FRMD6: variants seen among roughly 807,000 people sequenced by gnomAD.
FRMD6 encodes the protein FERM domain containing 6.
A neutral mutation model predicts 73.2 loss-of-function variants in FRMD6; 37 were observed. That is an observed-to-expected ratio of 0.51 (90% CI 0.39 to 0.66). FRMD6 has a LOEUF of 0.66. Ranked by LOEUF, FRMD6 falls within the 30% of genes least tolerant of loss-of-function variation. The pLI, the probability that FRMD6 is intolerant of heterozygous loss-of-function variation, is 0.00. For synonymous variants in FRMD6, 273 were observed against 282.2 expected (o/e 0.97, Z 0.33); for missense variants, 714 against 780.5 (o/e 0.91, Z 1.02).
At chr14:51,470,487 G>T in the FRMD6 span, among the ~76,000 whole-genome samples, 1 of 151,486 alleles carries the variant, frequency 6.6e-6, no homozygotes, top group African/African-American at 2.4e-5. Flanking sequence ...GCAACAGAGC[G>T]AGACTCCGTC....
chr14:51,516,187 C>A (rs191962867), intron 1 of FRMD6, among the ~76,000 whole-genome samples: 1 of 152,040 alleles, frequency 6.6e-6, no homozygotes, highest in East Asian at 1.9e-4. Flanking sequence ...CTTCTAAGGA[C>A]TAAACACAGC....
At chr14:51,488,804 T>C (rs1282654955), upstream of FRMD6, among the ~76,000 whole-genome samples, 2 of 152,358 alleles carry the variant, frequency 1.3e-5, no homozygotes, top group East Asian at 1.9e-4. Flanking sequence ...TTGAACGAAG[T>C]TCGATCCCTA....
At chr14:51,690,080 A>G (rs376568172) in intron 2 of FRMD6, 145 bp downstream of exon 2, 8 of 668,802 alleles carry the variant, frequency 1.2e-5, no homozygotes, top group Non-Finnish European at 1.4e-5. Context: ...TAGTCCATAC[A>G]TACATTAACT....
At chr14:51,432,397 C>T in the FRMD6 span, among the ~76,000 whole-genome samples, 4 of 152,052 alleles carry the variant, frequency 2.6e-5, no homozygotes, top group African/African-American at 9.7e-5. Context: ...GGAAAATTCC[C>T]TTTTTCTTTT....
intron 1 of FRMD6, among the ~76,000 whole-genome samples, chr14:51,555,085 C>T (rs1366045562): frequency 6.6e-6 from 1 of 152,166 alleles, no homozygotes; most frequent in Non-Finnish European, 1.5e-5. Context: ...TTCAAGATGT[C>T]TCAAGTAGCT....
intron 1 of FRMD6, among the ~76,000 whole-genome samples, chr14:51,533,206 G>T (rs1258465666): frequency 2.6e-5 from 4 of 152,194 alleles, no homozygotes; most frequent in Non-Finnish European, 5.9e-5. Flanking sequence ...GACCTACTTA[G>T]GTTTTTGCTG....
At chr14:51,570,693 T>C (rs995866063) in intron 2 of FRMD6, among the ~76,000 whole-genome samples, 2 of 152,242 alleles carry the variant, frequency 1.3e-5, no homozygotes, top group Non-Finnish European at 2.9e-5. Context: ...TTGACTCTGA[T>C]GCACATACAG....
chr14:51,422,588 T>C, the FRMD6 span, among the ~76,000 whole-genome samples: 1 of 152,176 alleles, frequency 6.6e-6, no homozygotes, highest in African/African-American at 2.4e-5. Context: ...GGAATAATTA[T>C]ACAAGGAGAA....
intron 2 of FRMD6, among the ~76,000 whole-genome samples, chr14:51,639,497 CT>C (rs1311569144): frequency 6.6e-6 from 1 of 151,868 alleles, no homozygotes; most frequent in Non-Finnish European, 1.5e-5. Context: ...CTTTGGGTAA[CT>C]TGTCTGTTTT....
Position 51,730,044 on chromosome 14 carries a change from T to C in FRMD6, c.*2015T>C, listed in dbSNP as rs1054624768. On this transcript the variant is annotated 3_prime_UTR_variant, in exon 14 of 14. Transcript: ENST00000344768. ...ATTTCTTATGGATGATGCTTAAGCC[T>C]GGTGAGGTTTGTACTCTAAGGAGCC... 1 of 152,344 alleles carries C rather than the reference T, an allele frequency of 6.6e-6. No individual in the cohort carries two copies. The highest frequency in any genetic ancestry group is 6.5e-5 in the Admixed American group (1 of 15,286). 9.4% of individuals were successfully genotyped at this position (152,344 alleles called of 1,614,324 possible).
rs116293317 is a variant in FRMD6 at position 51,577,238 on chromosome 14, A to T, written c.-147+6828A>T. On this transcript the variant is annotated intron_variant, in intron 2 of 14. Transcript: ENST00000356218. The stretch of plus-strand genomic sequence containing the variant: ...AAAAAGGGCTTAGGAGCCCTGAGAC[A>T]TCTTAAATAGGAGTCATTTAACTAC... 5.4e-3 allele frequency among the ~76,000 whole-genome samples: 822 copies of T among 152,222 alleles called. 10 individuals carry two copies. Among genetic ancestry groups the T allele is most frequent in the African/African-American group, 0.019 (790 of 41,526 alleles).
chr14:51,644,995 A>G (rs1304074766), intron 2 of FRMD6, among the ~76,000 whole-genome samples: 1 of 152,206 alleles, frequency 6.6e-6, no homozygotes, highest in Non-Finnish European at 1.5e-5. Context: ...CTTCCAATCC[A>G]TAATTTCTAA....
At chr14:51,519,626 C>T (rs1475443799) in intron 1 of FRMD6, among the ~76,000 whole-genome samples, 1 of 152,104 alleles carries the variant, frequency 6.6e-6, no homozygotes, top group East Asian at 1.9e-4. Flanking sequence ...CAGGACAAAC[C>T]CAACTTTTCA....
At chr14:51,600,105 A>T (rs894925375) in intron 2 of FRMD6, among the ~76,000 whole-genome samples, 8 of 151,954 alleles carry the variant, frequency 5.3e-5, no homozygotes, top group African/African-American at 7.3e-5. Context: ...TAATTTTTTT[A>T]AAATTACAGC....
At chr14:51,692,966 C>T (rs1231522320) in intron 2 of FRMD6, 1 of 152,184 alleles carries the variant, frequency 6.6e-6, no homozygotes, top group East Asian at 1.9e-4. Flanking sequence ...GTTTCTTTCA[C>T]TCTCTGGAAT....
chr14:51,679,555 C>A (rs796954302), intron 1 of FRMD6, among the ~76,000 whole-genome samples: 18 of 120,586 alleles, frequency 1.5e-4, no homozygotes, highest in African/African-American at 4.8e-4. Flanking sequence ...CATTTGTTTT[C>A]TTTTTTTTTT....
At chr14:51,425,448 C>T in the FRMD6 span, among the ~76,000 whole-genome samples, 1 of 152,180 alleles carries the variant, frequency 6.6e-6, no homozygotes, top group Non-Finnish European at 1.5e-5. Flanking sequence ...CACCTCCATG[C>T]AGGTGATCCT....
At chr14:51,684,810 A>G (rs1895041743) in intron 1 of FRMD6, among the ~76,000 whole-genome samples, 1 of 152,216 alleles carries the variant, frequency 6.6e-6, no homozygotes, top group Admixed American at 6.5e-5. Context: ...TAGGAAGCCA[A>G]ACAGCTAACA....
rs753578612 is a variant in FRMD6 at position 51,689,827 on chromosome 14, C to T, written c.-10C>T. On this transcript the variant is annotated 5_prime_UTR_variant, in exon 2 of 14. Coordinates refer to ENST00000344768, the MANE Select transcript of FRMD6 (RefSeq NM_001267046.2). ...AGCCCAGCCCTGACCACCAGAGTGCCCAAAACACAATGAACAAATTGAATT... is the reference window on the plus strand; with the variant it reads ...AGCCCAGCCCTGACCACCAGAGTGCTCAAAACACAATGAACAAATTGAATT... 2.5e-6 allele frequency: 4 copies of T among 1,590,402 alleles called. No individual in the cohort carries two copies. Among genetic ancestry groups the T allele is most frequent in the Non-Finnish European group, 2.6e-6 (3 of 1,159,954 alleles).
Sources: gnomAD v4.1 joint callset for allele counts (sites outside exome capture counted in the v4.1 genomes callset) on GRCh38, gnomAD v4.1.1 for gene constraint, MANE v1.5 for transcripts, NCBI Gene and HGNC (gene_info 2026-07-23, HGNC 2026-07-21) for gene names.